Variants in FAM161A observed in about 807,000 individuals in gnomAD.
FAM161A encodes the protein FAM161 centrosomal protein A.
FAM161A carries 57 observed loss-of-function variants against 70.9 expected under a neutral mutation model. That is an observed-to-expected ratio of 0.80 (90% confidence interval 0.65 to 1.00). The LOEUF is 1.00. Ranked by LOEUF, FAM161A falls within the 50% of genes least tolerant of loss-of-function variation. The probability of loss-of-function intolerance (pLI) is 0.00; values close to 1 mark genes in which losing one functional copy is unlikely to be tolerated. For synonymous variants in FAM161A, 299 were observed against 295.7 expected (o/e 1.01, Z -0.12); for missense variants, 880 against 836.0 (o/e 1.05, Z -0.65).
At chr2:61,851,700 AG>A (rs1375544601) in intron 1 of FAM161A, among the ~76,000 whole-genome samples, 4 of 151,544 alleles carry the variant, frequency 2.6e-5, no homozygotes, top group African/African-American at 9.7e-5. Flanking sequence ...TCTCTGACTA[AG>A]GCTAGATTCA....
the FAM161A span, among the ~76,000 whole-genome samples, chr2:61,817,979 C>G: frequency 2.6e-5 from 4 of 151,850 alleles, no homozygotes; most frequent in Non-Finnish European, 4.4e-5. Context: ...AAAACCAAAA[C>G]CAAACCAAAA....
At chr2:61,836,841 TG>T in intron 4 of FAM161A, 1 of 251,842 alleles carries the variant, frequency 4.0e-6, no homozygotes, top group Middle Eastern at 1.5e-3. Context: ...CTCAAAGTGC[TG>T]GGATTACAGG....
the FAM161A span, among the ~76,000 whole-genome samples, chr2:61,804,774 G>GAAAGAAAGAAA: frequency 2.4e-5 from 3 of 123,524 alleles, no homozygotes; most frequent in Non-Finnish European, 5.1e-5. Context: ...GAAAGAGAAA[G>GAAAGAAAGAAA]AAAGAAAGAA....
chr2:61,832,100 C>A (rs1002706432), intron 5 of FAM161A, among the ~76,000 whole-genome samples: 1 of 151,852 alleles, frequency 6.6e-6, no homozygotes, highest in Admixed American at 6.6e-5. Context: ...CAAAAATTAG[C>A]CTGGCATGGT....
intron 1 of FAM161A, chr2:61,847,095 G>GA: frequency 2.9e-6 from 1 of 339,704 alleles, no homozygotes; most frequent in Non-Finnish European, 5.9e-6. Flanking sequence ...CCAGGAGGCA[G>GA]AGGTTGCAGT....
intron 5 of FAM161A, among the ~76,000 whole-genome samples, chr2:61,831,277 C>CT (rs1349997430): frequency 9.4e-5 from 14 of 148,574 alleles, no homozygotes; most frequent in South Asian, 2.1e-4. Flanking sequence ...ATTTACTTTC[C>CT]TTTTTTTTTT....
the FAM161A span, among the ~76,000 whole-genome samples, chr2:61,804,391 C>A: frequency 1.3e-4 from 20 of 152,210 alleles, 1 homozygote; most frequent in South Asian, 4.2e-3. Context: ...CTCCCAGCTC[C>A]TTTTCAAGAT....
intron 1 of FAM161A, among the ~76,000 whole-genome samples, chr2:61,851,432 G>T (rs941655339): frequency 1.3e-5 from 2 of 151,938 alleles, no homozygotes; most frequent in Admixed American, 1.3e-4. Context: ...CGCCTCCCGG[G>T]TTCAGGCAAT....
Position 61,840,021 on chromosome 2 carries a change from A to G in FAM161A, c.983T>C (p.Ile328Thr). ...TGCTCGCTTCTGTTCCTCCCTTGCTATAAATTTAAATGGCTTTTGTGAGGC... is the reference window on the plus strand; with the variant it reads ...TGCTCGCTTCTGTTCCTCCCTTGCTGTAAATTTAAATGGCTTTTGTGAGGC... ...LLASQKPFKFIAREEQKRAAR... is the reference protein window; with the variant it reads ...LLASQKPFKFTAREEQKRAAR... Residue 328 changes from isoleucine to threonine, a missense_variant, in exon 3 of 7, where the codon ATA becomes ACA. By Grantham distance (89) the Ile-to-Thr change is moderately conservative. Transcript: ENST00000404929. The G allele has an allele frequency of 6.2e-7, 1 of 1,614,100 alleles. No individual in the cohort carries two copies.
chr2:61,840,186 T>C lies in FAM161A; in HGVS notation c.818A>G (p.Glu273Gly). ...EMVHKALKKQEEDPEYKKKFR... is the reference protein window; with the variant it reads ...EMVHKALKKQGEDPEYKKKFR... Reference sequence around the variant, plus strand: ...TTTCTTCTTATACTCTGGATCCTCTTCTTGTTTTTTGAGCGCTTTATGTAC... The same window carrying C: ...TTTCTTCTTATACTCTGGATCCTCTCCTTGTTTTTTGAGCGCTTTATGTAC... Residue 273 changes from glutamate to glycine, a missense_variant, in exon 3 of 7, where the codon GAA becomes GGA. Glu to Gly is a moderately conservative substitution (Grantham distance 98, BLOSUM62 -2). Transcript: ENST00000404929. 6.2e-7 allele frequency: 1 copy of C among 1,614,120 alleles called. No homozygotes were observed. Among genetic ancestry groups the C allele is most frequent in the Non-Finnish European group, 8.5e-7 (1 of 1,180,012 alleles).
At chr2:61,811,527 C>A in the FAM161A span, among the ~76,000 whole-genome samples, 1 of 152,170 alleles carries the variant, frequency 6.6e-6, no homozygotes, top group Non-Finnish European at 1.5e-5. Context: ...GCGTGATCCA[C>A]CACGCCCTGC....
intron 5 of FAM161A, among the ~76,000 whole-genome samples, chr2:61,832,070 C>G (rs1672594572): frequency 6.6e-6 from 1 of 151,776 alleles, no homozygotes; most frequent in African/African-American, 2.4e-5. Context: ...ACAGTAACAC[C>G]CCTGTCTTTA....
chr2:61,823,961 C>T (rs931984697), downstream of FAM161A, among the ~76,000 whole-genome samples: 11 of 152,110 alleles, frequency 7.2e-5, no homozygotes, highest in African/African-American at 2.7e-4. Context: ...AACCAGTTGA[C>T]TTCTAACCAT....
chr2:61,825,122 C>A lies in FAM161A; in HGVS notation c.*1333G>T, dbSNP rs1672301260. The A allele has an allele frequency of 2.2e-6, 1 of 447,846 alleles. No individual in the cohort carries two copies. Among genetic ancestry groups the A allele is most frequent in the Non-Finnish European group, 4.4e-6 (1 of 224,842 alleles). The allele number at this position is 447,846 out of a possible 1,614,324, so 27.7% of individuals were successfully genotyped here. ...GCTATTACATACACCTGTATTAGTT[C>A]ATCCTTTTAAAATGATGCTGATTGT... On this transcript the variant is annotated 3_prime_UTR_variant, in exon 7 of 7. Transcript: ENST00000404929.
At chr2:61,807,117 G>A in the FAM161A span, among the ~76,000 whole-genome samples, 3 of 152,126 alleles carry the variant, frequency 2.0e-5, no homozygotes, top group African/African-American at 7.2e-5. Flanking sequence ...AATTAACTTA[G>A]AAGAGACAAA....
At chr2:61,836,234 G>T in intron 4 of FAM161A, 125 bp from the exon 5 acceptor site, 1 of 768,122 alleles carries the variant, frequency 1.3e-6, no homozygotes, top group Non-Finnish European at 2.2e-6. Context: ...ATTTAGCTTA[G>T]CTGACAAATC....
intron 5 of FAM161A, 54 bp from the exon 6 acceptor site, chr2:61,827,312 C>CA (rs1475007090): frequency 5.0e-6 from 8 of 1,589,124 alleles, no homozygotes; most frequent in Non-Finnish European, 6.9e-6. Flanking sequence ...AAATTTTCAT[C>CA]AAAAATGTAT....
chr2:61,804,778 G>GAAAGAAAGAA, the FAM161A span, among the ~76,000 whole-genome samples: 2 of 131,534 alleles, frequency 1.5e-5, no homozygotes, highest in Non-Finnish European at 3.2e-5. Context: ...GAGAAAGAAA[G>GAAAGAAAGAA]AAAGAAAGAA....
the FAM161A span, among the ~76,000 whole-genome samples, chr2:61,806,763 G>C: frequency 7.4e-6 from 1 of 134,604 alleles, no homozygotes. Context: ...CGCCATCTCG[G>C]CTCACTGCAA....
Sources: gnomAD v4.1 joint callset for allele counts (sites outside exome capture counted in the v4.1 genomes callset) on GRCh38, gnomAD v4.1.1 for gene constraint, MANE v1.5 for transcripts, NCBI Gene and HGNC (gene_info 2026-07-23, HGNC 2026-07-21) for gene names.